Variants in PKIG observed in about 807,000 individuals in gnomAD.
PKIG encodes the protein protein kinase (cAMP-dependent, catalytic) inhibitor gamma.
A neutral mutation model predicts 6.8 loss-of-function variants in PKIG; 1 was observed. The observed-to-expected ratio is 0.15, with a 90% confidence interval of 0.05 to 0.69. The LOEUF (loss-of-function observed/expected upper bound fraction) is 0.69, where lower values mean the gene tolerates loss of function less well. PKIG is among the 30% of genes least tolerant of loss of function. The pLI is 0.82. For missense variants in PKIG, 77 were observed against 104.0 expected (o/e 0.74, Z 1.13); for synonymous variants, 39 against 43.0 (o/e 0.91, Z 0.36).
At chr20:44,577,747 G>C (rs4812840), upstream of PKIG, among the ~76,000 whole-genome samples, 3,434 of 152,292 alleles carry the variant, frequency 0.023, 180 homozygotes, top group Admixed American at 0.14. Context: ...CGATTGCACT[G>C]TACAGCAGCT....
intron 2 of PKIG, among the ~76,000 whole-genome samples, chr20:44,607,372 TA>T (rs1297321610): frequency 5.9e-5 from 7 of 118,058 alleles, no homozygotes; most frequent in African/African-American, 1.2e-4. Context: ...TATATATATA[TA>T]TATATTTTTT....
intron 1 of PKIG, among the ~76,000 whole-genome samples, chr20:44,589,440 C>T (rs1169094231): frequency 6.6e-6 from 1 of 152,076 alleles, no homozygotes; most frequent in Admixed American, 6.6e-5. Context: ...CTTTTTTCCA[C>T]ATCAGTACAA....
intron 2 of PKIG, among the ~76,000 whole-genome samples, chr20:44,604,471 A>G (rs1600893958): frequency 6.6e-6 from 1 of 152,250 alleles, no homozygotes; most frequent in Non-Finnish European, 1.5e-5. Flanking sequence ...GAACAATTAG[A>G]GAAACATTAG....
intron 1 of PKIG, among the ~76,000 whole-genome samples, chr20:44,587,312 C>G (rs938294483): frequency 6.6e-6 from 1 of 152,212 alleles, no homozygotes; most frequent in Non-Finnish European, 1.5e-5. Flanking sequence ...TGGGTTGATT[C>G]CTTCTGCTCT....
chr20:44,568,978 G>A (rs1430069959), intron 1 of PKIG, among the ~76,000 whole-genome samples: 1 of 152,164 alleles, frequency 6.6e-6, no homozygotes, highest in South Asian at 2.1e-4. Context: ...TAGATTCTTA[G>A]ATGTAAGATG....
At chr20:44,613,815 G>A (rs2065240270) in intron 2 of PKIG, among the ~76,000 whole-genome samples, 1 of 152,088 alleles carries the variant, frequency 6.6e-6, no homozygotes. Context: ...CTACTTCATG[G>A]CCTTGCCTAA....
chr20:44,596,936 C>T (rs959266741), intron 2 of PKIG, among the ~76,000 whole-genome samples: 24 of 152,206 alleles, frequency 1.6e-4, no homozygotes, highest in African/African-American at 5.5e-4. Context: ...TCATTCCACT[C>T]ACCTCCTCTC....
rs527366301 is a variant in PKIG at position 44,557,576 on chromosome 20, T to G, written c.-240-25009T>G. ...TGGCTTACGCCTGTAATCCCAACAC[T>G]TTGGGAGGCTGAGGTGGGTGGATCA... On this transcript the variant is annotated intron_variant, in intron 1 of 4. Coordinates refer to the PKIG transcript ENST00000372887. 2.9e-5 allele frequency among the ~76,000 whole-genome samples: 4 copies of G among 139,934 alleles called. No homozygotes were observed. The East Asian group carries it at 8.3e-4, about 29-fold the overall frequency. 91.8% of individuals were successfully genotyped at this position (139,934 alleles called of 152,430 possible).
chr20:44,578,062 C>G (rs941852819), upstream of PKIG, among the ~76,000 whole-genome samples: 1 of 151,864 alleles, frequency 6.6e-6, no homozygotes, highest in Non-Finnish European at 1.5e-5. Flanking sequence ...TTATTTTGGC[C>G]GGGCATGGTG....
chr20:44,612,062 A>T (rs1013522041), intron 2 of PKIG, among the ~76,000 whole-genome samples: 4 of 152,164 alleles, frequency 2.6e-5, no homozygotes, highest in African/African-American at 9.7e-5. Flanking sequence ...TATTATAAAT[A>T]GTGCTGCAGT....
intron 2 of PKIG, among the ~76,000 whole-genome samples, chr20:44,601,492 C>T (rs1159947162): frequency 6.6e-6 from 1 of 152,248 alleles, no homozygotes; most frequent in African/African-American, 2.4e-5. Flanking sequence ...GGAATATTCT[C>T]ATTTTGGGGC....
intron 1 of PKIG, among the ~76,000 whole-genome samples, chr20:44,586,213 G>A (rs995818533): frequency 6.6e-6 from 1 of 152,188 alleles, no homozygotes; most frequent in Non-Finnish European, 1.5e-5. Context: ...GGTGCCATGC[G>A]GATGAAATGA....
At chr20:44,610,023 C>T (rs541888396) in intron 2 of PKIG, among the ~76,000 whole-genome samples, 7 of 152,296 alleles carry the variant, frequency 4.6e-5, no homozygotes, top group African/African-American at 7.2e-5. Flanking sequence ...AGCGGTTTCC[C>T]CAGAGGCAGA....
At chr20:44,572,188 T>C (rs1042455834) in intron 1 of PKIG, among the ~76,000 whole-genome samples, 1 of 152,140 alleles carries the variant, frequency 6.6e-6, no homozygotes, top group East Asian at 1.9e-4. Context: ...GTGTTTTTAG[T>C]AGACACAGGG....
At chr20:44,618,235 ATTAC>A (rs771302367) in intron 3 of PKIG, 46 bp from the exon 4 acceptor site, 1 of 1,208,334 alleles carries the variant, frequency 8.3e-7, no homozygotes, top group Non-Finnish European at 1.2e-6. Flanking sequence ...CCTTCTGTGC[ATTAC>A]TTTGTGTATA....
chr20:44,593,838 A>G (rs886369298), intron 2 of PKIG, among the ~76,000 whole-genome samples: 1 of 152,208 alleles, frequency 6.6e-6, no homozygotes, highest in Admixed American at 6.5e-5. Context: ...GTGTGAATAT[A>G]TAACATTTTT....
upstream of PKIG, among the ~76,000 whole-genome samples, chr20:44,579,616 A>C (rs533139549): frequency 1.3e-4 from 20 of 152,342 alleles, no homozygotes; most frequent in South Asian, 4.1e-3. Flanking sequence ...TAGAGTGCTC[A>C]GTGCACAGCT....
At chr20:44,553,650 G>A (rs1205673346) in intron 1 of PKIG, among the ~76,000 whole-genome samples, 1 of 152,132 alleles carries the variant, frequency 6.6e-6, no homozygotes, top group Non-Finnish European at 1.5e-5. Flanking sequence ...TGGTGCTAGG[G>A]TTATGACAGT....
chr20:44,543,785 C>T (rs889122192), intron 1 of PKIG, among the ~76,000 whole-genome samples: 1 of 152,072 alleles, frequency 6.6e-6, no homozygotes, highest in African/African-American at 2.4e-5. Context: ...GGCGCGGTGG[C>T]TTACACCCGT....
Sources: allele counts gnomAD v4.1 joint callset (sites outside exome capture counted in the v4.1 genomes callset), GRCh38; gene constraint gnomAD v4.1.1; transcripts MANE v1.5; gene names NCBI Gene and HGNC (gene_info 2026-07-23, HGNC 2026-07-21).